KSR2: variants seen among roughly 807,000 people sequenced by gnomAD.
KSR2 encodes kinase suppressor of ras 2.
Under a neutral mutation model 107.8 loss-of-function variants are expected in KSR2, and 25 were observed. The ratio of observed to expected loss-of-function variants is 0.23; its 90% CI spans 0.17 to 0.32. The LOEUF is 0.32. Among genes scored for constraint, KSR2 ranks in the 10% least tolerant of loss-of-function variants. KSR2 has a pLI of 1.00. For missense variants in KSR2, 887 were observed against 1,268.9 expected, an observed-to-expected ratio of 0.70 and a Z score of 4.57; for synonymous variants, 480 against 507.0, an observed-to-expected ratio of 0.95 and a Z score of 0.71.
At chr12:117,944,470 T>C (rs1374067389) in intron 1 of KSR2, among the ~76,000 whole-genome samples, 2 of 152,146 alleles carry the variant, frequency 1.3e-5, no homozygotes, top group African/African-American at 4.8e-5. Flanking sequence ...ATTTCATTTA[T>C]ATGTGACGTC....
chr12:117,847,135 C>T (rs535529711), intron 3 of KSR2, among the ~76,000 whole-genome samples: 2 of 152,364 alleles, frequency 1.3e-5, no homozygotes, highest in East Asian at 3.9e-4. Context: ...AACACCAGAA[C>T]ATACGAGACC....
At chr12:117,484,233 G>GC (rs1340244756) in intron 16 of KSR2, among the ~76,000 whole-genome samples, 183 bp downstream of exon 16, 4 of 152,208 alleles carry the variant, frequency 2.6e-5, no homozygotes, top group South Asian at 4.1e-4. Flanking sequence ...CAAGGTGCTG[G>GC]CCCCCCCAGG....
intron 10 of KSR2, 48 bp from the exon 11 acceptor site, chr12:117,531,755 C>T (rs182754771): frequency 1.5e-5 from 22 of 1,475,600 alleles, no homozygotes; most frequent in Middle Eastern, 1.7e-4. Context: ...AGGGAGACAT[C>T]GCTTCAGGGA....
chr12:117,549,868 G>A (rs1028401221), intron 9 of KSR2, among the ~76,000 whole-genome samples: 1 of 152,102 alleles, frequency 6.6e-6, no homozygotes, highest in Non-Finnish European at 1.5e-5. Flanking sequence ...CTTTATGGTG[G>A]AAGGACTTAT....
Position 117,654,395 on chromosome 12 carries a change from T to C in KSR2, c.1171+13079A>G, listed in dbSNP as rs573118515. Reference sequence around the variant, plus strand: ...CGATGGCCTCATGGGGAGCTCCCTATGATCAGTTGACAGGAAGAGAAGACC... The same window carrying C: ...CGATGGCCTCATGGGGAGCTCCCTACGATCAGTTGACAGGAAGAGAAGACC... On this transcript the variant is annotated intron_variant, in intron 5 of 19. Transcript: ENST00000339824. Among the ~76,000 whole-genome samples the C allele has an allele frequency of 2.0e-5, 3 of 152,290 alleles. No individual in the cohort carries two copies. In the South Asian group the frequency reaches 6.2e-4, roughly 32 times the overall value.
chr12:117,914,520 A>G (rs1049363099), intron 1 of KSR2, among the ~76,000 whole-genome samples: 5 of 151,940 alleles, frequency 3.3e-5, no homozygotes, highest in African/African-American at 1.2e-4. Flanking sequence ...AAAATACTCC[A>G]CTGGTTTTAT....
chr12:117,576,450 G>A (rs1220770433), intron 7 of KSR2, among the ~76,000 whole-genome samples: 3 of 152,108 alleles, frequency 2.0e-5, no homozygotes, highest in East Asian at 3.9e-4. Context: ...AAGGAAGGTG[G>A]CCTTGAAGTA....
chr12:117,665,030 G>C (rs184809851), intron 5 of KSR2, among the ~76,000 whole-genome samples: 3 of 152,226 alleles, frequency 2.0e-5, no homozygotes, highest in African/African-American at 7.2e-5. Flanking sequence ...AACAGATAGG[G>C]AACTGGTCCC....
At chr12:117,722,213 A>G (rs549536573) in intron 4 of KSR2, among the ~76,000 whole-genome samples, 24 of 152,276 alleles carry the variant, frequency 1.6e-4, no homozygotes, top group African/African-American at 5.3e-4. Flanking sequence ...ACCTATAGCT[A>G]GTGGCTACCA....
Position 117,453,387 on chromosome 12 carries a change from A to T in KSR2, c.*13812T>A, listed in dbSNP as rs1013184804. 2.0e-5 allele frequency: 3 copies of T among 152,616 alleles called. No homozygotes were observed. The highest frequency in any genetic ancestry group is 7.2e-5 in the African/African-American group (3 of 41,436). 9.5% of individuals were successfully genotyped at this position (152,616 alleles called of 1,614,324 possible). A position where few individuals can be genotyped will look rare whatever the true frequency, so the allele number is the denominator to read the frequency against. ...ATAGAAACGGAAAGGAAAAGAAAGAAGTGGCCCCCCAAAAGAAAACATGAA... is the reference window on the plus strand; with the variant it reads ...ATAGAAACGGAAAGGAAAAGAAAGATGTGGCCCCCCAAAAGAAAACATGAA... On this transcript the variant is annotated 3_prime_UTR_variant, in exon 20 of 20. Transcript: ENST00000339824.
rs1870836717 is a variant in KSR2 at position 117,460,499 on chromosome 12, A to G, written c.*6700T>C. On this transcript the variant is annotated 3_prime_UTR_variant, in exon 20 of 20. Coordinates refer to ENST00000339824, the MANE Select transcript of KSR2 (RefSeq NM_173598.6). ...CAACCCAGATGTACATTTCCTGGAA[A>G]TCCGGGCTGCTGCTGGCAGCCTGTC... 1 of 152,204 alleles carries G rather than the reference A, an allele frequency of 6.6e-6. No homozygotes were observed. The allele number at this position is 152,204 out of a possible 1,614,324, so 9.4% of individuals were successfully genotyped here.
intron 1 of KSR2, among the ~76,000 whole-genome samples, chr12:117,881,959 T>C (rs1198343064): frequency 6.6e-6 from 1 of 152,238 alleles, no homozygotes; most frequent in African/African-American, 2.4e-5. Context: ...TATTCAGGGC[T>C]GCTCCAAAGA....
chr12:117,730,999 C>T (rs1887652279), intron 4 of KSR2, among the ~76,000 whole-genome samples: 1 of 151,482 alleles, frequency 6.6e-6, no homozygotes, highest in Non-Finnish European at 1.5e-5. Context: ...CCCCTCTGCC[C>T]AGCCGCCCAG....
chr12:117,495,777 G>A (rs554940382), intron 14 of KSR2, among the ~76,000 whole-genome samples: 23 of 152,244 alleles, frequency 1.5e-4, no homozygotes, highest in Non-Finnish European at 2.9e-4. Flanking sequence ...AGAGGCGGCC[G>A]GGCGCAGTGG....
At chr12:117,615,345 C>T (rs187879506) in intron 5 of KSR2, among the ~76,000 whole-genome samples, 1 of 151,796 alleles carries the variant, frequency 6.6e-6, no homozygotes, top group East Asian at 1.9e-4. Context: ...TGCCCATTAG[C>T]TCAAACCTTG....
chr12:117,534,932 A>G lies in KSR2; in HGVS notation c.1688-3225T>C, dbSNP rs147494257. ...GATTCTCCCTGAGACCTTCCAGAAC[A>G]AACCAGCCCTATTGACATCTCGGTT... On this transcript the variant is annotated intron_variant, in intron 10 of 19. Coordinates refer to ENST00000339824, the MANE Select transcript of KSR2 (RefSeq NM_173598.6). Among the ~76,000 whole-genome samples, 40 of 152,310 alleles carry G rather than the reference A, an allele frequency of 2.6e-4. No homozygotes were observed. In the East Asian group the frequency reaches 7.6e-3, roughly 29 times the overall value.
chr12:117,754,000 G>A (rs866845062), intron 4 of KSR2, among the ~76,000 whole-genome samples: 1 of 127,750 alleles, frequency 7.8e-6, no homozygotes, highest in Non-Finnish European at 1.7e-5. Flanking sequence ...GTGTGTGTGT[G>A]TTTTAGGAAT....
intron 3 of KSR2, among the ~76,000 whole-genome samples, chr12:117,794,766 G>A (rs995889118): frequency 4.6e-5 from 7 of 151,982 alleles, no homozygotes; most frequent in East Asian, 1.9e-4. Context: ...CACCCAACGT[G>A]CACACACACA....
chr12:117,752,232 C>G (rs1030958876), intron 4 of KSR2, among the ~76,000 whole-genome samples: 2 of 152,192 alleles, frequency 1.3e-5, no homozygotes, highest in Admixed American at 1.3e-4. Context: ...TCTCTGCTCA[C>G]AGGCCAGCTG....
Sources: allele counts gnomAD v4.1 joint callset (sites outside exome capture counted in the v4.1 genomes callset), GRCh38; gene constraint gnomAD v4.1.1; transcripts MANE v1.5; gene names NCBI Gene and HGNC (gene_info 2026-07-23, HGNC 2026-07-21).